Variants in GPHN observed in about 807,000 individuals in gnomAD.
GPHN encodes gephyrin.
Under a neutral mutation model 95.5 loss-of-function variants are expected in GPHN, and 17 were observed. The observed-to-expected ratio is 0.18, with a 90% CI of 0.12 to 0.27. The LOEUF (loss-of-function observed/expected upper bound fraction) is 0.27. GPHN is among the 10% of genes least tolerant of loss of function. GPHN has a pLI of 1.00. For missense variants in GPHN, 660 were observed against 978.1 expected, an observed-to-expected ratio of 0.67 and a Z score of 4.34; for synonymous variants, 320 against 322.5, an observed-to-expected ratio of 0.99 and a Z score of 0.08.
At chr14:67,216,537 C>T in the GPHN span, among the ~76,000 whole-genome samples, 3 of 152,088 alleles carry the variant, frequency 2.0e-5, no homozygotes, top group South Asian at 6.2e-4. Flanking sequence ...AGGTATTTAT[C>T]ACTATAAACT....
intron 12 of GPHN, among the ~76,000 whole-genome samples, chr14:67,095,664 T>C (rs894695242): frequency 1.3e-5 from 2 of 151,930 alleles, no homozygotes; most frequent in South Asian, 4.2e-4. Flanking sequence ...TCATTCTCAG[T>C]AAACTATCGC....
the GPHN span, chr14:67,473,415 CCTG>C: frequency 6.2e-7 from 1 of 1,612,412 alleles, no homozygotes. The surrounding 1 kb of genome is among the most constrained non-coding windows in gnomAD (Gnocchi z 6.5). Flanking sequence ...CCACCCGCTT[CCTG>C]CTCAGTCAGT....
chr14:66,708,249 G>A (rs1424092950), intron 2 of GPHN, among the ~76,000 whole-genome samples: 1 of 151,906 alleles, frequency 6.6e-6, no homozygotes, highest in Non-Finnish European at 1.5e-5. Context: ...AAACTGTTAA[G>A]TCCCTTTCGG....
chr14:67,722,124 CT>C, the GPHN span, among the ~76,000 whole-genome samples: 2 of 152,172 alleles, frequency 1.3e-5, no homozygotes, highest in Non-Finnish European at 2.9e-5. Context: ...TCACTGCCCC[CT>C]CCTCCCTAAG....
chr14:66,676,609 A>G (rs570637662), intron 1 of GPHN, among the ~76,000 whole-genome samples: 2 of 149,442 alleles, frequency 1.3e-5, no homozygotes, highest in Non-Finnish European at 3.0e-5. Context: ...TAGCACATCT[A>G]TTGATTTTTA....
the GPHN span, among the ~76,000 whole-genome samples, chr14:67,485,418 T>C: frequency 6.6e-6 from 1 of 152,310 alleles, no homozygotes; most frequent in Middle Eastern, 3.4e-3. Context: ...TTATAAACTG[T>C]CAACTAGGAG....
the GPHN span, chr14:67,397,923 C>T: frequency 2.4e-5 from 23 of 941,876 alleles, no homozygotes; most frequent in Non-Finnish European, 3.6e-5. Flanking sequence ...CCAGACTGTG[C>T]TGTGGAAATC....
chr14:66,959,471 C>G (rs1228933536), intron 8 of GPHN, among the ~76,000 whole-genome samples: 1 of 152,044 alleles, frequency 6.6e-6, no homozygotes, highest in African/African-American at 2.4e-5. Flanking sequence ...AATGAACTCA[C>G]TCAGTTTTTG....
At chr14:67,504,052 C>T in the GPHN span, among the ~76,000 whole-genome samples, 20 of 150,972 alleles carry the variant, frequency 1.3e-4, no homozygotes, top group Admixed American at 1.3e-3. Context: ...CTCGCTCTGT[C>T]ACCCAGGCTG....
intron 9 of GPHN, among the ~76,000 whole-genome samples, chr14:66,996,896 T>G (rs922634200): frequency 2.6e-5 from 4 of 152,134 alleles, no homozygotes; most frequent in Non-Finnish European, 4.4e-5. Context: ...AGGTTTAATT[T>G]TTTATCCTTA....
the GPHN span, among the ~76,000 whole-genome samples, chr14:67,597,150 C>T: frequency 1.3e-5 from 2 of 152,224 alleles, no homozygotes; most frequent in African/African-American, 4.8e-5. Flanking sequence ...ACAGACCCCA[C>T]AGAACCTGCT....
At chr14:67,074,570 T>G (rs1224838748) in intron 11 of GPHN, among the ~76,000 whole-genome samples, 1 of 152,098 alleles carries the variant, frequency 6.6e-6, no homozygotes, top group Admixed American at 6.5e-5. Flanking sequence ...CCTCTAAGTA[T>G]TCAAGTGAAA....
intron 1 of GPHN, among the ~76,000 whole-genome samples, chr14:66,541,399 G>T (rs531517254): frequency 6.6e-6 from 1 of 152,272 alleles, no homozygotes; most frequent in East Asian, 1.9e-4. Flanking sequence ...AATAATAAAA[G>T]TCAAGAACCA....
intron 1 of GPHN, among the ~76,000 whole-genome samples, chr14:66,674,275 T>C (rs2066465511): frequency 6.6e-6 from 1 of 152,048 alleles, no homozygotes; most frequent in Non-Finnish European, 1.5e-5. Context: ...ATTTTTTGTA[T>C]TTTTAGTAGA....
chr14:66,941,620 T>G (rs2067432986), intron 8 of GPHN, among the ~76,000 whole-genome samples: 3 of 151,900 alleles, frequency 2.0e-5, no homozygotes, highest in African/African-American at 7.3e-5. Context: ...TTGGCTTTTA[T>G]GAGCTCTGCA....
chr14:67,412,051 G>C, the GPHN span: 1 of 1,551,822 alleles, frequency 6.4e-7, no homozygotes, highest in Non-Finnish European at 8.7e-7. Flanking sequence ...TGAGCACGCC[G>C]TCCTCCATGT....
the GPHN span, among the ~76,000 whole-genome samples, chr14:67,328,728 A>G: frequency 2.0e-5 from 3 of 152,184 alleles, no homozygotes; most frequent in Admixed American, 2.0e-4. Flanking sequence ...CATTTATTAA[A>G]TAGGGCATCC....
the GPHN span, among the ~76,000 whole-genome samples, chr14:67,429,016 A>T: frequency 6.6e-6 from 1 of 152,220 alleles, no homozygotes; most frequent in East Asian, 1.9e-4. Flanking sequence ...CAGAGTTAGA[A>T]GGAATGTGAA....
At chr14:67,176,928 T>G (rs891528453) in intron 21 of GPHN, among the ~76,000 whole-genome samples, 17 of 152,226 alleles carry the variant, frequency 1.1e-4, no homozygotes, top group African/African-American at 4.1e-4. Context: ...TGATATCCCC[T>G]TTATCATTTT....
Sources: allele counts gnomAD v4.1 joint callset (sites outside exome capture counted in the v4.1 genomes callset), GRCh38; gene constraint gnomAD v4.1.1; non-coding constraint Gnocchi (gnomAD v3.1); transcripts MANE v1.5; gene names NCBI Gene and HGNC (gene_info 2026-07-23, HGNC 2026-07-21).